STK3: variants seen among roughly 807,000 people sequenced by gnomAD.
The protein encoded by STK3 is serine/threonine-protein kinase 3.
In STK3, 41 loss-of-function variants were observed where a neutral mutation model predicts 58.0. The ratio of observed to expected loss-of-function variants is 0.71; its 90% CI spans 0.55 to 0.92. The LOEUF is 0.92. STK3 is among the 40% of genes least tolerant of loss of function. The pLI, the probability that STK3 is intolerant of heterozygous loss-of-function variation, is 0.00. For synonymous variants in STK3, 170 were observed against 191.0 expected, an observed-to-expected ratio of 0.89 and a Z score of 0.91; for missense variants, 479 against 602.7, an observed-to-expected ratio of 0.79 and a Z score of 2.15.
At chr8:98,445,190 A>C (rs1463583541) in intron 1 of STK3, among the ~76,000 whole-genome samples, 2 of 152,282 alleles carry the variant, frequency 1.3e-5, no homozygotes, top group African/African-American at 2.4e-5. Flanking sequence ...CACCTCCCCC[A>C]AAAATCCTGT....
At chr8:98,712,311 T>C (rs1464240509) in intron 4 of STK3, among the ~76,000 whole-genome samples, 2 of 152,178 alleles carry the variant, frequency 1.3e-5, no homozygotes, top group Admixed American at 6.5e-5. Context: ...ATGGACTAAA[T>C]GCTCCAATTA....
chr8:98,936,891 T>C (rs1040939361), intron 1 of STK3, among the ~76,000 whole-genome samples: 9 of 152,118 alleles, frequency 5.9e-5, no homozygotes, highest in African/African-American at 2.2e-4. Flanking sequence ...AGGGATGGTA[T>C]GGGGGAAAGG....
chr8:98,747,520 G>T (rs1418945273), intron 4 of STK3, among the ~76,000 whole-genome samples: 2 of 152,104 alleles, frequency 1.3e-5, no homozygotes. Context: ...ACAATCAAGA[G>T]TTAACACTCT....
At chr8:98,897,914 C>T (rs1838516745) in intron 1 of STK3, among the ~76,000 whole-genome samples, 1 of 152,136 alleles carries the variant, frequency 6.6e-6, no homozygotes, top group African/African-American at 2.4e-5. Context: ...CGAGACAGCC[C>T]CTTACAGCTT....
At chr8:98,922,564 G>C (rs935549559) in intron 1 of STK3, among the ~76,000 whole-genome samples, 3 of 152,054 alleles carry the variant, frequency 2.0e-5, no homozygotes, top group African/African-American at 7.2e-5. Context: ...CTCAGAACCT[G>C]GTACATAGTA....
chr8:98,382,147 G>C (rs1817739400), intron 1 of STK3, among the ~76,000 whole-genome samples: 1 of 152,164 alleles, frequency 6.6e-6, no homozygotes. Context: ...GGAGCCCTGG[G>C]TGGAGACACA....
intron 2 of STK3, among the ~76,000 whole-genome samples, chr8:98,373,737 TC>T (rs1245042418): frequency 6.6e-6 from 1 of 152,164 alleles, no homozygotes; most frequent in Non-Finnish European, 1.5e-5. Flanking sequence ...TTCTTTTCTT[TC>T]CTTTTTTTTG....
intron 3 of STK3, among the ~76,000 whole-genome samples, chr8:98,866,394 A>G (rs774721452): frequency 6.6e-6 from 1 of 152,166 alleles, no homozygotes; most frequent in South Asian, 2.1e-4. Context: ...GAAGCCCTCA[A>G]CCCAGCTGAA....
chr8:98,494,365 G>A (rs1452555110), intron 10 of STK3, among the ~76,000 whole-genome samples: 1 of 152,082 alleles, frequency 6.6e-6, no homozygotes, highest in African/African-American at 2.4e-5. Flanking sequence ...TTTTCTCTCA[G>A]GTGAACTTTG....
At chr8:98,769,357 C>A (rs552658792) in intron 2 of STK3, among the ~76,000 whole-genome samples, 30 of 152,134 alleles carry the variant, frequency 2.0e-4, no homozygotes, top group Middle Eastern at 3.2e-3. Context: ...CCATGCTGTT[C>A]TCATGATAGT....
Position 98,665,642 on chromosome 8 carries a change from A to G in STK3, c.684+40825T>C, listed in dbSNP as rs191468555. Among the ~76,000 whole-genome samples the G allele has an allele frequency of 9.3e-3, 1,402 of 151,470 alleles. 17 individuals are homozygous for G. Among genetic ancestry groups the G allele is most frequent in the African/African-American group, 0.032 (1,325 of 41,276 alleles). On this transcript the variant is annotated intron_variant, in intron 6 of 10. Transcript: ENST00000419617. ...ACTCCTAGACTCAAGGAATCCTCCT[A>G]CCTCAGCCTCCCAAAGTGCTGTGAT... is the stretch of plus-strand genomic sequence containing the variant.
intron 2 of STK3, among the ~76,000 whole-genome samples, chr8:98,773,985 G>A (rs1831498467): frequency 6.6e-6 from 1 of 151,964 alleles, no homozygotes; most frequent in Non-Finnish European, 1.5e-5. Flanking sequence ...TAGTAGACAT[G>A]GGGTTTCTCC....
At chr8:98,900,470 C>T (rs1167150422) in intron 1 of STK3, among the ~76,000 whole-genome samples, 3 of 152,138 alleles carry the variant, frequency 2.0e-5, no homozygotes, top group Admixed American at 1.3e-4. Context: ...AATCGCCCCA[C>T]ATCCAATCAC....
intron 4 of STK3, among the ~76,000 whole-genome samples, chr8:98,733,361 C>A (rs1024904776): frequency 2.0e-5 from 3 of 152,284 alleles, no homozygotes; most frequent in Non-Finnish European, 4.4e-5. Context: ...GGCGGGTGGG[C>A]AAGCATTACT....
intron 1 of STK3, among the ~76,000 whole-genome samples, chr8:98,898,977 C>G (rs1027255295): frequency 6.6e-6 from 1 of 152,174 alleles, no homozygotes; most frequent in African/African-American, 2.4e-5. Flanking sequence ...AGTGTGCTTT[C>G]CAGAATGGGT....
intron 3 of STK3, among the ~76,000 whole-genome samples, chr8:98,759,795 C>T (rs1249850194): frequency 6.6e-6 from 1 of 152,144 alleles, no homozygotes; most frequent in African/African-American, 2.4e-5. Flanking sequence ...TGTATCAGAA[C>T]CCAGCAATTC....
chr8:98,886,957 G>T (rs1433138948), intron 1 of STK3, among the ~76,000 whole-genome samples: 1 of 152,056 alleles, frequency 6.6e-6, no homozygotes, highest in Non-Finnish European at 1.5e-5. Flanking sequence ...AATTAGCTGG[G>T]TATGGTGGTG....
Position 98,679,714 on chromosome 8 carries a change from T to G in STK3, c.684+26753A>C, listed in dbSNP as rs537967765. Among the ~76,000 whole-genome samples the G allele has an allele frequency of 2.6e-5, 4 of 152,330 alleles. No individual in the cohort carries two copies. In the East Asian group the frequency reaches 7.7e-4, roughly 29 times the overall value. ...AATGCATTCCAGTGAATCCACAAGC[T>G]TAAACCCACAGCTTCTCAGTTACAG... On this transcript the variant is annotated intron_variant, in intron 6 of 10. Coordinates refer to ENST00000419617, the MANE Select transcript of STK3 (RefSeq NM_006281.4).
the STK3 span, among the ~76,000 whole-genome samples, chr8:98,356,433 G>A: frequency 6.6e-6 from 1 of 152,072 alleles, no homozygotes; most frequent in African/African-American, 2.4e-5. Context: ...TTCGCAAAAG[G>A]ACAGAGGCCA....
Sources: gnomAD v4.1 joint callset for allele counts (sites outside exome capture counted in the v4.1 genomes callset) on GRCh38, gnomAD v4.1.1 for gene constraint, MANE v1.5 for transcripts, NCBI Gene and HGNC (gene_info 2026-07-23, HGNC 2026-07-21) for gene names.